The following MGST1 variants were observed in gnomAD, a reference collection of about 807,000 sequenced individuals.
MGST1 encodes microsomal glutathione S-transferase 1, also known as glutathione S-transferase 12.
A neutral mutation model predicts 8.9 loss-of-function variants in MGST1; 5 were observed. That is an observed-to-expected ratio of 0.56 (90% CI 0.29 to 1.19). MGST1 has a LOEUF of 1.19. Ranked by LOEUF, MGST1 falls within the 50% of genes most tolerant of loss-of-function variation. The probability of loss-of-function intolerance (pLI) is 0.08; values close to 1 mark genes in which losing one functional copy is unlikely to be tolerated. For synonymous variants in MGST1, 54 were observed against 67.8 expected (o/e 0.80, Z 1.00); for missense variants, 182 against 187.4 (o/e 0.97, Z 0.17).
At chr12:16,394,479 T>C (rs936309225) in intron 1 of MGST1, among the ~76,000 whole-genome samples, 9 of 140,756 alleles carry the variant, frequency 6.4e-5, no homozygotes, top group African/African-American at 2.5e-4. Context: ...CCTTTCTATC[T>C]TTCTTCCTTT....
intron 1 of MGST1, among the ~76,000 whole-genome samples, chr12:16,407,129 A>G (rs1044154903): frequency 6.6e-6 from 1 of 152,206 alleles, no homozygotes; most frequent in Non-Finnish European, 1.5e-5. Context: ...AGACGAGACA[A>G]CCTACAGAAT....
At chr12:16,504,539 C>T (rs1192529381) in intron 4 of MGST1, among the ~76,000 whole-genome samples, 1 of 152,086 alleles carries the variant, frequency 6.6e-6, no homozygotes, top group African/African-American at 2.4e-5. Context: ...TACAAGTCTC[C>T]CAATCTCTTA....
chr12:16,490,358 T>C (rs1941430862), intron 4 of MGST1, among the ~76,000 whole-genome samples: 2 of 152,178 alleles, frequency 1.3e-5, no homozygotes, highest in Non-Finnish European at 2.9e-5. Flanking sequence ...TATGGGCTGC[T>C]CTTTCAACCT....
intron 4 of MGST1, among the ~76,000 whole-genome samples, chr12:16,558,017 T>A (rs1942257425): frequency 6.6e-6 from 1 of 152,146 alleles, no homozygotes; most frequent in South Asian, 2.1e-4. Flanking sequence ...ATAGAAGACA[T>A]ATGTGAAGCT....
chr12:16,516,857 G>T (rs1941618319), intron 4 of MGST1, among the ~76,000 whole-genome samples: 1 of 152,164 alleles, frequency 6.6e-6, no homozygotes, highest in Admixed American at 6.5e-5. Context: ...AAGTCTGAGA[G>T]AAATAGATTC....
chr12:16,445,016 A>AT (rs533192217), intron 4 of MGST1, among the ~76,000 whole-genome samples: 52 of 151,670 alleles, frequency 3.4e-4, no homozygotes, highest in African/African-American at 1.1e-3. Flanking sequence ...TCCATACTGT[A>AT]TTTTTTTAAC....
At chr12:16,365,422 CAG>C (rs1322788223), downstream of MGST1, among the ~76,000 whole-genome samples, 1 of 152,078 alleles carries the variant, frequency 6.6e-6, no homozygotes, top group Non-Finnish European at 1.5e-5. Flanking sequence ...ATTTCTCAAA[CAG>C]TACTTTTAAT....
chr12:16,563,997 C>T (rs1276729187), intron 4 of MGST1, among the ~76,000 whole-genome samples: 1 of 152,082 alleles, frequency 6.6e-6, no homozygotes, highest in African/African-American at 2.4e-5. Context: ...TTGTTTCTGA[C>T]ACACTTCCAA....
chr12:16,441,473 C>T (rs993837046), downstream of MGST1, among the ~76,000 whole-genome samples: 1 of 151,830 alleles, frequency 6.6e-6, no homozygotes, highest in African/African-American at 2.4e-5. Flanking sequence ...TTTAAAAAAT[C>T]CTCTGTGCTC....
intron 4 of MGST1, among the ~76,000 whole-genome samples, chr12:16,468,274 GT>G (rs1254369785): frequency 6.6e-6 from 1 of 152,160 alleles, no homozygotes; most frequent in Admixed American, 6.5e-5. Flanking sequence ...TAAGCTTGCT[GT>G]TTGTCAATTA....
Position 16,423,553 on chromosome 12 carries a change from A to C in MGST1, n.779-13835A>C, listed in dbSNP as rs952868238. On this transcript the variant is annotated intron_variant and non_coding_transcript_variant, in intron 1 of 1. Transcript: ENST00000359720. ...ATATTTTGTTGTCCCTAACCTATGT[A>C]CAAAAAAAATCCTTGTTGTCCATGC... is the stretch of plus-strand genomic sequence containing the variant. 6.6e-3 allele frequency among the ~76,000 whole-genome samples: 7 copies of C among 1,054 alleles called. No individual in the cohort carries two copies. The Admixed American group carries it at 0.096, about 14-fold the overall frequency. The allele number at this position is 1,054 out of a possible 152,430, so 0.7% of individuals were successfully genotyped here.
rs1942296629 is a variant in MGST1 at position 16,559,087 on chromosome 12, G to A, written n.483-30441G>A. ...TCATAAGAAGATTCTGCATCAAATA[G>A]TACCTTTCAGAGTAAATTACAATAA... On this transcript the variant is annotated intron_variant and non_coding_transcript_variant, in intron 4 of 4. Transcript: ENST00000538857. This position sits in a 1 kb window ranked among gnomAD's most constrained non-coding sequence, Gnocchi z 4.1. 1.3e-5 allele frequency among the ~76,000 whole-genome samples: 2 copies of A among 152,236 alleles called. No homozygotes were observed. Among genetic ancestry groups the A allele is most frequent in the Admixed American group, 6.5e-5 (1 of 15,302 alleles).
intron 4 of MGST1, among the ~76,000 whole-genome samples, chr12:16,499,461 G>GT (rs776997869): frequency 2.0e-5 from 3 of 152,038 alleles, no homozygotes; most frequent in African/African-American, 4.8e-5. Context: ...TTGTTTCCCT[G>GT]TTTTTTGTAG....
At chr12:16,404,797 C>T (rs898792455) in intron 1 of MGST1, among the ~76,000 whole-genome samples, 5 of 152,124 alleles carry the variant, frequency 3.3e-5, no homozygotes, top group African/African-American at 1.2e-4. Context: ...TTATCTTGCT[C>T]TTTATTTCTT....
In MGST1 at chr12:16,559,392, A is replaced by C. The variant is rs534375420; in HGVS notation, n.483-30136A>C. 7.2e-5 allele frequency among the ~76,000 whole-genome samples: 11 copies of C among 152,324 alleles called. No homozygotes were observed. The highest frequency in any genetic ancestry group is 2.4e-4 in the African/African-American group (10 of 41,574). The stretch of plus-strand genomic sequence containing the variant: ...TTTTCAGCTGAAAGAATTCTCTGAG[A>C]TGAACTAATCCAGCTTCATATGTTA... On this transcript the variant is annotated intron_variant and non_coding_transcript_variant, in intron 4 of 4. Coordinates refer to the MGST1 transcript ENST00000538857. This position sits in a 1 kb window ranked among gnomAD's most constrained non-coding sequence, Gnocchi z 4.1.
intron 4 of MGST1, among the ~76,000 whole-genome samples, chr12:16,516,509 G>C (rs146329114): frequency 6.6e-6 from 1 of 152,154 alleles, no homozygotes; most frequent in African/African-American, 2.4e-5. Flanking sequence ...TCAAAATTGG[G>C]CAAGTTTCTT....
intron 4 of MGST1, among the ~76,000 whole-genome samples, chr12:16,473,540 T>C (rs762675535): frequency 6.6e-6 from 1 of 152,186 alleles, no homozygotes; most frequent in Non-Finnish European, 1.5e-5. Flanking sequence ...GCCATTTTTT[T>C]GTTGTTTTTT....
intron 4 of MGST1, among the ~76,000 whole-genome samples, chr12:16,572,370 C>A (rs1942845988): frequency 1.3e-5 from 1 of 79,026 alleles, no homozygotes; most frequent in Non-Finnish European, 2.3e-5. Flanking sequence ...TTGTAAAGAG[C>A]TGTTTCTACA....
At chr12:16,489,881 C>G (rs981459447) in intron 4 of MGST1, among the ~76,000 whole-genome samples, 2 of 152,076 alleles carry the variant, frequency 1.3e-5, no homozygotes, top group Admixed American at 1.3e-4. Context: ...CCATTGTCTC[C>G]CTGAGGGAAG....
Sources: gnomAD v4.1 joint callset for allele counts (sites outside exome capture counted in the v4.1 genomes callset) on GRCh38, gnomAD v4.1.1 for gene constraint, Gnocchi (gnomAD v3.1) non-coding constraint, MANE v1.5 for transcripts, NCBI Gene and HGNC (gene_info 2026-07-23, HGNC 2026-07-21) for gene names.